Variants in ARID3C observed in about 807,000 individuals in gnomAD.
ARID3C encodes the protein AT-rich interaction domain 3C.
ARID3C carries 42 observed loss-of-function variants against 37.9 expected under a neutral mutation model. The ratio of observed to expected loss-of-function variants is 1.11; its 90% CI spans 0.87 to 1.43. ARID3C has a LOEUF of 1.43. Ranked by LOEUF, ARID3C falls within the 40% of genes most tolerant of loss-of-function variation. ARID3C has a pLI of 0.00. For missense variants in ARID3C, 581 were observed against 548.8 expected (o/e 1.06, Z -0.59); for synonymous variants, 213 against 228.0 (o/e 0.93, Z 0.59).
Position 34,623,844 on chromosome 9 carries a change from G to T in ARID3C, c.575+20C>A. ...CCGAACCCGTGCCCCCTTCCCTTCC[G>T]CTCCCGCCCCTGGCCTCACTGGGTG... On this transcript the variant is annotated intron_variant, in intron 3 of 6. Transcript: ENST00000378909. The T allele has an allele frequency of 8.4e-7, 1 of 1,188,060 alleles. No individual in the cohort carries two copies. The highest frequency in any genetic ancestry group is 5.6e-5 in the East Asian group (1 of 17,764). 73.6% of individuals were successfully genotyped at this position (1,188,060 alleles called of 1,614,324 possible). A position where few individuals can be genotyped will look rare whatever the true frequency, so the allele number is the denominator to read the frequency against.
At chr9:34,629,563 C>G (rs1190342518), upstream of ARID3C, among the ~76,000 whole-genome samples, 1 of 152,174 alleles carries the variant, frequency 6.6e-6, no homozygotes, top group Non-Finnish European at 1.5e-5. Context: ...CGTGCTGTCC[C>G]CCACTGCGGG....
At chr9:34,621,626 A>C in intron 6 of ARID3C, 68 bp from the exon 8 acceptor site, 2 of 1,156,458 alleles carry the variant, frequency 1.7e-6, no homozygotes, top group Non-Finnish European at 2.5e-6. Flanking sequence ...TGGAAACAGA[A>C]GAGGGGAACA....
chr9:34,628,375 G>C (rs886933729), upstream of ARID3C, among the ~76,000 whole-genome samples: 5 of 152,182 alleles, frequency 3.3e-5, no homozygotes, highest in African/African-American at 1.2e-4. The surrounding 1 kb of genome is among the most constrained non-coding windows in gnomAD (Gnocchi z 5.2). Context: ...GTCCGACAGA[G>C]ACAATGACAG....
Position 34,622,121 on chromosome 9 carries a change from G to C in ARID3C, c.1049-12C>G, listed in dbSNP as rs1587213766. On this transcript the variant is annotated splice_polypyrimidine_tract_variant and intron_variant, in intron 5 of 6. Coordinates refer to ENST00000378909, the Ensembl canonical transcript of ARID3C. ...ATCCAGCCGCTCTTCTGTCCAGGAG[G>C]GGGCAGAGGAATCACATTTTGGAGA... is the stretch of plus-strand genomic sequence containing the variant. The C allele has an allele frequency of 1.2e-6, 2 of 1,613,528 alleles. No homozygotes were observed. Among genetic ancestry groups the C allele is most frequent in the Middle Eastern group, 3.3e-4 (2 of 6,062 alleles).
chr9:34,628,832 G>A (rs1021202333), upstream of ARID3C, among the ~76,000 whole-genome samples: 1 of 152,148 alleles, frequency 6.6e-6, no homozygotes, highest in African/African-American at 2.4e-5. The surrounding 1 kb of genome is among the most constrained non-coding windows in gnomAD (Gnocchi z 5.2). Flanking sequence ...CAGAGCCTGG[G>A]ACGGGCACGG....
upstream of ARID3C, among the ~76,000 whole-genome samples, chr9:34,629,405 C>G (rs376429346): frequency 1.1e-4 from 16 of 152,380 alleles, no homozygotes; most frequent in African/African-American, 3.8e-4. Flanking sequence ...CAGTCTCACA[C>G]GTTCCGTGAC....
chr9:34,622,269 C>CT, intron 5 of ARID3C, 78 bp downstream of exon 6: 1 of 1,570,674 alleles, frequency 6.4e-7, no homozygotes, highest in Non-Finnish European at 8.7e-7. Flanking sequence ...TGCCCCGTCT[C>CT]TAACACCTAT....
exon 2 of ARID3C, chr9:34,625,788 C>G: frequency 1.2e-6 from 2 of 1,614,052 alleles, no homozygotes; most frequent in East Asian, 2.2e-5. Context: ...ATTCCTTCCT[C>G]TTGGGGTCTG....
upstream of ARID3C, among the ~76,000 whole-genome samples, chr9:34,631,459 A>G (rs779157977): frequency 5.2e-4 from 79 of 152,336 alleles, no homozygotes; most frequent in Admixed American, 1.7e-3. Context: ...ACAGAGACGG[A>G]GACAGACCTA....
At chr9:34,625,669 G>C in intron 2 of ARID3C, 73 bp downstream of exon 3, 1 of 1,561,834 alleles carries the variant, frequency 6.4e-7, no homozygotes, top group South Asian at 1.1e-5. Flanking sequence ...TCAGCAGGGA[G>C]AACCCAACCG....
chr9:34,623,474 G>A (rs558534855), exon 4 of ARID3C: 20 of 1,538,938 alleles, frequency 1.3e-5, no homozygotes, highest in South Asian at 2.5e-5. Flanking sequence ...GCGCTGGCAG[G>A]CCGGAGGTGG....
intron 1 of ARID3C, 57 bp from the exon 3 acceptor site, chr9:34,625,871 C>A: frequency 6.3e-7 from 1 of 1,594,910 alleles, no homozygotes; most frequent in Non-Finnish European, 8.6e-7. Context: ...CCTCCCTTGA[C>A]CCCAATTCAG....
chr9:34,629,115 G>A (rs1436406630), upstream of ARID3C, among the ~76,000 whole-genome samples: 2 of 152,142 alleles, frequency 1.3e-5, no homozygotes, highest in Non-Finnish European at 2.9e-5. Flanking sequence ...GGGCGGGCGG[G>A]GCGCATGGGG....
chr9:34,627,727 G>A (rs537487042), exon 1 of ARID3C: 99 of 1,613,414 alleles, frequency 6.1e-5, no homozygotes, highest in South Asian at 9.9e-5. Flanking sequence ...AGGTCCACTC[G>A]TGGGGATGGA....
chr9:34,626,357 AG>A (rs1414612624), intron 1 of ARID3C, among the ~76,000 whole-genome samples: 2 of 152,156 alleles, frequency 1.3e-5, no homozygotes, highest in African/African-American at 4.8e-5. Flanking sequence ...AGGGCCCTTC[AG>A]CTCATCTTCT....
At chr9:34,632,779 G>C (rs556215745), upstream of ARID3C, among the ~76,000 whole-genome samples, 1 of 152,288 alleles carries the variant, frequency 6.6e-6, no homozygotes, top group Admixed American at 6.5e-5. Flanking sequence ...CAGGATGGTG[G>C]TGGTGTGGGG....
exon 3 of ARID3C, chr9:34,623,868 T>G: frequency 7.0e-7 from 1 of 1,435,232 alleles, no homozygotes; most frequent in South Asian, 1.1e-5. Context: ...CCTCACTGGG[T>G]GCGTAGAGTG....
chr9:34,627,484 G>C (rs1820670922), intron 1 of ARID3C, among the ~76,000 whole-genome samples: 1 of 151,910 alleles, frequency 6.6e-6, no homozygotes, highest in South Asian at 2.1e-4. Context: ...CTTTACAAAA[G>C]AAATTTTAAA....
rs764757809 is a variant in ARID3C at position 34,622,428 on chromosome 9, CTCTCT to C, written c.962_966del (p.Lys321SerfsTer36). On this transcript the variant is annotated frameshift_variant, in exon 5 of 7. Transcript: ENST00000378909. LOFTEE classifies it high-confidence loss of function. ...GGGTCCATAGGCCCCATCAGCACAG[CTCTCT>C]TCTCTGGGGGCTCCTCTGGTGCCAA... 24 of 1,614,046 alleles carry C rather than the reference CTCTCT, an allele frequency of 1.5e-5. No homozygotes were observed. The highest frequency in any genetic ancestry group is 1.9e-5 in the Non-Finnish European group (23 of 1,180,014).
Sources: allele counts gnomAD v4.1 joint callset (sites outside exome capture counted in the v4.1 genomes callset), GRCh38; gene constraint gnomAD v4.1.1; non-coding constraint Gnocchi (gnomAD v3.1); transcripts MANE v1.5; gene names NCBI Gene and HGNC (gene_info 2026-07-23, HGNC 2026-07-21).